The following SDK1 variants were observed in gnomAD, a reference collection of about 807,000 sequenced individuals.
The protein encoded by SDK1 is sidekick cell adhesion molecule 1.
A neutral mutation model predicts 245.5 loss-of-function variants in SDK1; 157 were observed. The ratio of observed to expected loss-of-function variants is 0.64; its 90% CI spans 0.56 to 0.73. SDK1 has a LOEUF of 0.73. Among genes scored for constraint, SDK1 ranks in the 30% least tolerant of loss-of-function variants. The pLI, the probability that SDK1 is intolerant of heterozygous loss-of-function variation, is 0.00. For synonymous variants in SDK1, 1,647 were observed against 1,278.5 expected, an observed-to-expected ratio of 1.29 and a Z score of -6.15; for missense variants, 3,583 against 3,002.3, an observed-to-expected ratio of 1.19 and a Z score of -4.52.
At chr7:3,343,185 T>G (rs1403392596) in intron 1 of SDK1, among the ~76,000 whole-genome samples, 1 of 152,096 alleles carries the variant, frequency 6.6e-6, no homozygotes, top group Non-Finnish European at 1.5e-5. Context: ...CTCAGAGAAA[T>G]GAACACATAA....
intron 4 of SDK1, among the ~76,000 whole-genome samples, chr7:3,650,738 C>A (rs1782987045): frequency 6.6e-6 from 1 of 152,116 alleles, no homozygotes; most frequent in Non-Finnish European, 1.5e-5. Flanking sequence ...CCCTAATAAT[C>A]ACTAATCTGC....
intron 1 of SDK1, among the ~76,000 whole-genome samples, chr7:3,490,737 G>C (rs1478801777): frequency 6.6e-6 from 1 of 152,196 alleles, no homozygotes; most frequent in Non-Finnish European, 1.5e-5. Flanking sequence ...GGAGGGGTCT[G>C]TGAGCCCCTG....
At chr7:3,393,591 G>A (rs187659897) in intron 1 of SDK1, among the ~76,000 whole-genome samples, 13 of 152,246 alleles carry the variant, frequency 8.5e-5, no homozygotes, top group African/African-American at 2.9e-4. Flanking sequence ...AGAATACTAC[G>A]TAGCAGTTAA....
intron 1 of SDK1, among the ~76,000 whole-genome samples, chr7:3,457,531 G>A (rs1039089102): frequency 2.0e-5 from 3 of 152,114 alleles, no homozygotes; most frequent in Admixed American, 6.6e-5. Flanking sequence ...GACCCATACA[G>A]CATACGATGA....
intron 1 of SDK1, among the ~76,000 whole-genome samples, chr7:3,550,244 T>A (rs1234804007): frequency 6.6e-6 from 1 of 152,212 alleles, no homozygotes; most frequent in Non-Finnish European, 1.5e-5. Flanking sequence ...GGCTGCAAAT[T>A]TAGGCATTTG....
chr7:4,195,202 T>C (rs184076998), intron 35 of SDK1, among the ~76,000 whole-genome samples: 245 of 152,378 alleles, frequency 1.6e-3, no homozygotes, highest in African/African-American at 5.6e-3. Flanking sequence ...ATCATATTTT[T>C]GTGGTGAAAA....
At chr7:3,701,940 A>AT (rs1784752870) in intron 4 of SDK1, among the ~76,000 whole-genome samples, 1 of 151,134 alleles carries the variant, frequency 6.6e-6, no homozygotes, top group Non-Finnish European at 1.5e-5. Context: ...AAAAAAAAAA[A>AT]AAAAAGAAAA....
At chr7:3,680,174 A>G (rs1161699924) in intron 4 of SDK1, among the ~76,000 whole-genome samples, 1 of 152,208 alleles carries the variant, frequency 6.6e-6, no homozygotes, top group Non-Finnish European at 1.5e-5. Context: ...TGCTTAGGGA[A>G]AAACCCAATC....
At chr7:4,043,763 G>A in intron 17 of SDK1, among the ~76,000 whole-genome samples, 1 of 151,940 alleles carries the variant, frequency 6.6e-6, no homozygotes, top group African/African-American at 2.4e-5. Flanking sequence ...CCTTACTTTA[G>A]AGAATTTAAC....
At chr7:4,090,253 A>G (rs2128183256) in intron 22 of SDK1, among the ~76,000 whole-genome samples, 1 of 152,324 alleles carries the variant, frequency 6.6e-6, no homozygotes, top group East Asian at 1.9e-4. Flanking sequence ...GATTCTTTAA[A>G]AACCTCATTT....
intron 4 of SDK1, among the ~76,000 whole-genome samples, chr7:3,768,222 A>G (rs1184530294): frequency 2.0e-5 from 3 of 152,200 alleles, no homozygotes; most frequent in African/African-American, 7.2e-5. Context: ...GACTGCAACC[A>G]TACTTCTCCT....
intron 13 of SDK1, among the ~76,000 whole-genome samples, chr7:3,981,052 G>A (rs79511034): frequency 2.0e-5 from 3 of 152,114 alleles, no homozygotes; most frequent in Non-Finnish European, 4.4e-5. Context: ...TTACAAACTG[G>A]AGGTTTGCAG....
At chr7:3,587,305 G>A (rs970652449) in intron 1 of SDK1, among the ~76,000 whole-genome samples, 1 of 52,702 alleles carries the variant, frequency 1.9e-5, no homozygotes, top group African/African-American at 8.9e-5. Context: ...CAGAACGTGT[G>A]TGTGTGTGTG....
chr7:3,897,198 TACATA>T (rs1781633294), intron 5 of SDK1, among the ~76,000 whole-genome samples: 1 of 152,174 alleles, frequency 6.6e-6, no homozygotes, highest in Admixed American at 6.5e-5. Context: ...ACCATATCAA[TACATA>T]ACATAAAATT....
rs549840819 is a variant in SDK1, at chr7:3,329,384, T to C, written c.298+27500T>C. 9.8e-5 allele frequency among the ~76,000 whole-genome samples: 15 copies of C among 152,342 alleles called. No individual in the cohort carries two copies. In the South Asian group the frequency reaches 1.2e-3, roughly 13 times the overall value. The stretch of plus-strand genomic sequence containing the variant: ...AGCTTTATTCAAGATACAATTCACC[T>C]ACCATATAATTCATCTATTGAAAGT... On this transcript the variant is annotated intron_variant, in intron 1 of 44. Coordinates refer to ENST00000404826, the MANE Select transcript of SDK1 (RefSeq NM_152744.4).
intron 22 of SDK1, among the ~76,000 whole-genome samples, chr7:4,086,212 C>T (rs1199431054): frequency 6.6e-6 from 1 of 152,176 alleles, no homozygotes; most frequent in Non-Finnish European, 1.5e-5. Context: ...CTGCACAGGT[C>T]TGCCCGGTGT....
chr7:3,327,158 G>A (rs376884578), intron 1 of SDK1, among the ~76,000 whole-genome samples: 4 of 152,252 alleles, frequency 2.6e-5, no homozygotes, highest in African/African-American at 7.2e-5. Context: ...TGACAAATGA[G>A]CATTTCCAGA....
At chr7:3,652,885 A>G (rs1583273707) in intron 4 of SDK1, among the ~76,000 whole-genome samples, 1 of 152,302 alleles carries the variant, frequency 6.6e-6, no homozygotes, top group African/African-American at 2.4e-5. Flanking sequence ...TCCGAGCTTT[A>G]TAAGAGAGGA....
chr7:3,870,405 G>C (rs10251426), intron 5 of SDK1, among the ~76,000 whole-genome samples: 9,032 of 152,106 alleles, frequency 0.059, 842 homozygotes, highest in African/African-American at 0.2. Flanking sequence ...AAGGATGTAG[G>C]TGTTATACTG....
Sources: allele counts gnomAD v4.1 joint callset (sites outside exome capture counted in the v4.1 genomes callset), GRCh38; gene constraint gnomAD v4.1.1; transcripts MANE v1.5; gene names NCBI Gene and HGNC (gene_info 2026-07-23, HGNC 2026-07-21).